DRC11: variants seen among roughly 807,000 people sequenced by gnomAD.
The protein encoded by DRC11 is dynein regulatory complex subunit 11, also known as IQ and AAA domain-containing protein 1.
At chr2:236,417,840 G>A in the DRC11 span, among the ~76,000 whole-genome samples, 1 of 151,684 alleles carries the variant, frequency 6.6e-6, no homozygotes, top group Non-Finnish European at 1.5e-5. Context: ...TTGGTTTTCT[G>A]TTCCTGTGTT....
the DRC11 span, among the ~76,000 whole-genome samples, chr2:236,437,069 C>T: frequency 6.8e-6 from 1 of 147,630 alleles, no homozygotes; most frequent in African/African-American, 2.5e-5. Context: ...TTAGGTATAT[C>T]TCCCAATGCT....
the DRC11 span, among the ~76,000 whole-genome samples, chr2:236,360,960 G>A: frequency 1.3e-5 from 2 of 152,086 alleles, no homozygotes; most frequent in East Asian, 3.8e-4. The surrounding 1 kb of genome is among the most constrained non-coding windows in gnomAD (Gnocchi z 5.8). Context: ...GCTCCACAAC[G>A]TACCATCCAC....
chr2:236,433,855 T>C, the DRC11 span, among the ~76,000 whole-genome samples: 1 of 152,376 alleles, frequency 6.6e-6, no homozygotes, highest in Admixed American at 6.5e-5. Flanking sequence ...GAAATGTTTC[T>C]AGTGAATTTC....
the DRC11 span, among the ~76,000 whole-genome samples, chr2:236,351,274 G>T: frequency 3.3e-5 from 5 of 152,146 alleles, no homozygotes; most frequent in African/African-American, 1.2e-4. The surrounding 1 kb of genome is among the most constrained non-coding windows in gnomAD (Gnocchi z 7.3). Flanking sequence ...AGGAAATCAG[G>T]GTGTCAGTGA....
At chr2:236,497,243 G>A in the DRC11 span, 1 of 1,613,646 alleles carries the variant, frequency 6.2e-7, no homozygotes, top group Non-Finnish European at 8.5e-7. The surrounding 1 kb of genome is among the most constrained non-coding windows in gnomAD (Gnocchi z 5.1). Flanking sequence ...TCGTTCTTCA[G>A]CTCCAGGATG....
the DRC11 span, among the ~76,000 whole-genome samples, chr2:236,473,070 T>G: frequency 6.6e-6 from 1 of 152,160 alleles, no homozygotes; most frequent in Non-Finnish European, 1.5e-5. The surrounding 1 kb of genome is among the most constrained non-coding windows in gnomAD (Gnocchi z 4.8). Flanking sequence ...AAATGTATTT[T>G]TTGAGAATAA....
chr2:236,406,663 G>C, the DRC11 span, among the ~76,000 whole-genome samples: 2 of 151,810 alleles, frequency 1.3e-5, no homozygotes, highest in Non-Finnish European at 2.9e-5. The surrounding 1 kb of genome is among the most constrained non-coding windows in gnomAD (Gnocchi z 4.7). Flanking sequence ...TATAATGGCT[G>C]AACACTATAT....
At chr2:236,465,391 C>T in the DRC11 span, 105 of 876,574 alleles carry the variant, frequency 1.2e-4, no homozygotes, top group East Asian at 2.4e-3. The surrounding 1 kb of genome is among the most constrained non-coding windows in gnomAD (Gnocchi z 6.2). Context: ...GTTTCTAAAA[C>T]GAAGCCGAGA....
the DRC11 span, among the ~76,000 whole-genome samples, chr2:236,321,310 C>T: frequency 9.2e-5 from 14 of 152,074 alleles, no homozygotes; most frequent in East Asian, 3.9e-4. Flanking sequence ...TGGGGTAGTA[C>T]GGAGAGAATA....
At chr2:236,398,331 C>T in the DRC11 span, among the ~76,000 whole-genome samples, 1 of 152,196 alleles carries the variant, frequency 6.6e-6, no homozygotes, top group Non-Finnish European at 1.5e-5. This position sits in a 1 kb window ranked among gnomAD's most constrained non-coding sequence, Gnocchi z 6.2. Flanking sequence ...CAGTGGCACA[C>T]AGACATTTTT....
At chr2:236,312,747 TA>T in the DRC11 span, among the ~76,000 whole-genome samples, 6 of 151,772 alleles carry the variant, frequency 4.0e-5, no homozygotes, top group Non-Finnish European at 5.9e-5. Context: ...AGCCATCAAA[TA>T]AAAAAACTGG....
the DRC11 span, among the ~76,000 whole-genome samples, chr2:236,473,793 A>T: frequency 6.6e-6 from 1 of 151,750 alleles, no homozygotes; most frequent in Non-Finnish European, 1.5e-5. This position sits in a 1 kb window ranked among gnomAD's most constrained non-coding sequence, Gnocchi z 4.8. Flanking sequence ...AAAAAAAAAA[A>T]TTTATATGAC....
the DRC11 span, among the ~76,000 whole-genome samples, chr2:236,434,496 T>G: frequency 6.6e-6 from 1 of 152,186 alleles, no homozygotes. This position sits in a 1 kb window ranked among gnomAD's most constrained non-coding sequence, Gnocchi z 5.5. Flanking sequence ...ATTACCTCAG[T>G]GCAGGGAGGT....
At chr2:236,367,013 G>A in the DRC11 span, among the ~76,000 whole-genome samples, 2 of 147,730 alleles carry the variant, frequency 1.4e-5, no homozygotes, top group Non-Finnish European at 3.0e-5. The surrounding 1 kb of genome is among the most constrained non-coding windows in gnomAD (Gnocchi z 4.8). Flanking sequence ...GCAGAGATGG[G>A]GTTTCACCAT....
the DRC11 span, among the ~76,000 whole-genome samples, chr2:236,401,552 T>G: frequency 6.6e-6 from 1 of 152,140 alleles, no homozygotes; most frequent in Non-Finnish European, 1.5e-5. This position sits in a 1 kb window ranked among gnomAD's most constrained non-coding sequence, Gnocchi z 4.6. Context: ...GTAAATACAA[T>G]GTGGTATTTC....
chr2:236,377,550 C>G, the DRC11 span, among the ~76,000 whole-genome samples: 4 of 152,154 alleles, frequency 2.6e-5, no homozygotes, highest in African/African-American at 9.7e-5. This position sits in a 1 kb window ranked among gnomAD's most constrained non-coding sequence, Gnocchi z 4.9. Context: ...ATTATATATT[C>G]GGCTAGCATC....
chr2:236,422,447 C>T, the DRC11 span, among the ~76,000 whole-genome samples: 1 of 152,172 alleles, frequency 6.6e-6, no homozygotes, highest in Non-Finnish European at 1.5e-5. Flanking sequence ...AACTCCCATT[C>T]ACAATTGCTT....
chr2:236,382,129 G>A, the DRC11 span, among the ~76,000 whole-genome samples: 2 of 152,170 alleles, frequency 1.3e-5, no homozygotes, highest in Non-Finnish European at 2.9e-5. Flanking sequence ...TATAATGTGT[G>A]AGACTTAGGT....
the DRC11 span, among the ~76,000 whole-genome samples, chr2:236,397,880 A>G: frequency 0.44 from 67,639 of 152,070 alleles, 15,563 homozygotes; most frequent in African/African-American, 0.51. This position sits in a 1 kb window ranked among gnomAD's most constrained non-coding sequence, Gnocchi z 5.0. Context: ...ATATAAGCTC[A>G]TTGTTGGCAG....
Sources: allele counts gnomAD v4.1 joint callset (sites outside exome capture counted in the v4.1 genomes callset), GRCh38; gene constraint gnomAD v4.1.1; non-coding constraint Gnocchi (gnomAD v3.1); transcripts MANE v1.5; gene names NCBI Gene and HGNC (gene_info 2026-07-23, HGNC 2026-07-21).